The following NETO2 variants were observed in gnomAD, a reference collection of about 807,000 sequenced individuals.
The protein encoded by NETO2 is neuropilin and tolloid like 2, also known as neuropilin and tolloid-like protein 2.
Under a neutral mutation model 62.5 loss-of-function variants are expected in NETO2, and 28 were observed. The ratio of observed to expected loss-of-function variants is 0.45; its 90% CI spans 0.33 to 0.61. The LOEUF (loss-of-function observed/expected upper bound fraction) is 0.61, where lower values mean the gene tolerates loss of function less well. Among genes scored for constraint, NETO2 ranks in the 20% least tolerant of loss-of-function variants. The pLI is 0.02. For missense variants in NETO2, 548 were observed against 643.2 expected (o/e 0.85, Z 1.60); for synonymous variants, 214 against 219.1 (o/e 0.98, Z 0.21).
chr16:47,134,295 T>C (rs560902214), intron 1 of NETO2, among the ~76,000 whole-genome samples: 1 of 152,356 alleles, frequency 6.6e-6, no homozygotes, highest in Admixed American at 6.5e-5. Context: ...CCTCTGTGTC[T>C]CCTCTGTCTT....
chr16:47,086,309 T>C lies in NETO2; in HGVS notation c.914A>G (p.His305Arg), dbSNP rs769338360. ...PPCTSSTFFC[H>R]SNMCINNSLV... ...AGAATTATTGATGCACATGTTGCTA[T>C]GGCAAAAGAAAGTGCTGCTTGTGCA... Residue 305 changes from histidine (H) to arginine (R), a missense_variant, in exon 8 of 9, where the codon CAT (histidine) becomes CGT (arginine). By Grantham distance (29) the His-to-Arg change is conservative. Transcript: ENST00000562435. 36 of 1,613,906 alleles carry C rather than the reference T, an allele frequency of 2.2e-5. 1 individual carries two copies. The highest frequency in any genetic ancestry group is 3.0e-5 in the Non-Finnish European group (35 of 1,179,936).
intron 2 of NETO2, among the ~76,000 whole-genome samples, 174 bp from the exon 3 acceptor site, chr16:47,129,538 G>C (rs1187330654): frequency 6.6e-6 from 1 of 152,162 alleles, no homozygotes; most frequent in East Asian, 1.9e-4. Flanking sequence ...GAGAGGGAGG[G>C]AAAACTTGCT....
Position 47,083,267 on chromosome 16 carries a change from CT to C in NETO2, c.1531del (p.Arg511GlyfsTer23), listed in dbSNP as rs1264675651. The C allele has an allele frequency of 1.9e-6, 3 of 1,613,882 alleles. No homozygotes were observed. Among genetic ancestry groups the C allele is most frequent in the East Asian group, 2.2e-5 (1 of 44,884 alleles). Reference sequence around the variant, plus strand: ...TGCTTGTGCAGAATCTTCTCGCCCCCTGACATAAATTTCACAGGGAATCTCC... The same window carrying C: ...TGCTTGTGCAGAATCTTCTCGCCCCCGACATAAATTTCACAGGGAATCTCC... ...MEEIPCEIYV[R>X]GREDSAQASI... On this transcript the variant is annotated frameshift_variant, in exon 9 of 9. Transcript: ENST00000562435. LOFTEE classifies it high-confidence loss of function.
Position 47,122,654 on chromosome 16 carries a change from T to TA in NETO2, c.654+2dup. On this transcript the variant is annotated splice_region_variant and intron_variant, in intron 6 of 8. Coordinates refer to ENST00000562435, the MANE Select transcript of NETO2 (RefSeq NM_018092.5). ...TCTGAAGCGACTCAATACATAATAA[T>TA]ACCTTAGCTTTTGGAGTGGCTTTAA... The TA allele has an allele frequency of 6.2e-7, 1 of 1,613,380 alleles. No homozygotes were observed. Among genetic ancestry groups the TA allele is most frequent in the Non-Finnish European group, 8.5e-7 (1 of 1,179,832 alleles).
rs557061100 is a variant in NETO2, at chr16:47,082,610, C to CAGA, written c.*608_*610dup. 4 of 152,168 alleles carry CAGA rather than the reference C, an allele frequency of 2.6e-5. No individual in the cohort carries two copies. In the South Asian group the frequency reaches 8.3e-4, roughly 32 times the overall value. 9.4% of individuals were successfully genotyped at this position (152,168 alleles called of 1,614,324 possible). On this transcript the variant is annotated 3_prime_UTR_variant, in exon 9 of 9. Coordinates refer to ENST00000562435, the MANE Select transcript of NETO2 (RefSeq NM_018092.5). ...GAATAAGGGCCCAGTAATTAAAAGG[C>CAGA]AGAAGTACAGAGATTAGCCAAGAAG...
chr16:47,111,960 A>T (rs1259659526), intron 6 of NETO2, among the ~76,000 whole-genome samples: 3 of 152,248 alleles, frequency 2.0e-5, no homozygotes, highest in African/African-American at 7.2e-5. Flanking sequence ...TGAAGACCCC[A>T]ACAGAAATGA....
intron 7 of NETO2, among the ~76,000 whole-genome samples, chr16:47,100,114 C>T (rs1229217891): frequency 1.3e-5 from 2 of 152,200 alleles, no homozygotes; most frequent in African/African-American, 4.8e-5. Context: ...AACAGTCTCT[C>T]AGACAACAGT....
At chr16:47,138,337 T>A (rs1375756925) in intron 1 of NETO2, among the ~76,000 whole-genome samples, 1 of 151,922 alleles carries the variant, frequency 6.6e-6, no homozygotes, top group Admixed American at 6.6e-5. Flanking sequence ...GAGGCAGAGG[T>A]TGTGGTGCGC....
chr16:47,115,748 T>TATATA (rs1163632223), intron 6 of NETO2, among the ~76,000 whole-genome samples: 1 of 145,784 alleles, frequency 6.9e-6, no homozygotes, highest in African/African-American at 2.6e-5. Flanking sequence ...TATATATATA[T>TATATA]TTTGTAGGGG....
chr16:47,113,295 T>C (rs1050885928), intron 6 of NETO2, among the ~76,000 whole-genome samples: 1 of 152,206 alleles, frequency 6.6e-6, no homozygotes, highest in Non-Finnish European at 1.5e-5. Flanking sequence ...CACTACTCAG[T>C]CCTTGCTGAC....
intron 7 of NETO2, among the ~76,000 whole-genome samples, chr16:47,103,777 A>T (rs1313365074): frequency 6.6e-6 from 1 of 152,190 alleles, no homozygotes; most frequent in Non-Finnish European, 1.5e-5. Flanking sequence ...TAAGGGAAAA[A>T]AACTACATGA....
At chr16:47,099,004 C>T (rs1238180851) in intron 7 of NETO2, among the ~76,000 whole-genome samples, 1 of 151,982 alleles carries the variant, frequency 6.6e-6, no homozygotes, top group Admixed American at 6.6e-5. Context: ...GGATTACAGG[C>T]GCCCACCACC....
chr16:47,094,389 T>TA (rs1367235514), intron 7 of NETO2, among the ~76,000 whole-genome samples: 4 of 151,362 alleles, frequency 2.6e-5, no homozygotes, highest in African/African-American at 9.8e-5. Context: ...TTCAGGAACC[T>TA]AAAGGAAGGT....
chr16:47,106,349 G>C (rs755575716), intron 7 of NETO2, among the ~76,000 whole-genome samples: 2 of 152,032 alleles, frequency 1.3e-5, no homozygotes, highest in Non-Finnish European at 2.9e-5. Context: ...TTTCAGTTTG[G>C]GATGATAAAA....
At position 47,128,033 on chromosome 16, in the gene NETO2, TTTTTAAATGTA is replaced by T. The variant is rs1964191362; in HGVS notation, c.481+281_481+291del. Among the ~76,000 whole-genome samples, 2 of 152,212 alleles carry T rather than the reference TTTTTAAATGTA, an allele frequency of 1.3e-5. 1 individual carries two copies. The highest frequency in any genetic ancestry group is 4.1e-4 in the South Asian group (2 of 4,828). On this transcript the variant is annotated intron_variant, in intron 4 of 8. Coordinates refer to ENST00000562435, the MANE Select transcript of NETO2 (RefSeq NM_018092.5). ...GTTGAATTATTTTTAAAATTATTTA[TTTTTAAATGTA>T]TTTTAAATGTTAGCCTGAGCATGTG...
At chr16:47,087,032 A>AT (rs11359187) in intron 7 of NETO2, among the ~76,000 whole-genome samples, 4 of 143,516 alleles carry the variant, frequency 2.8e-5, no homozygotes, top group African/African-American at 1.0e-4. Flanking sequence ...TTATAATTAA[A>AT]TTTTTTTTTT....
chr16:47,087,176 G>A (rs1039294188), intron 7 of NETO2, among the ~76,000 whole-genome samples: 3 of 151,942 alleles, frequency 2.0e-5, no homozygotes, highest in East Asian at 1.9e-4. Context: ...CTACAGGCAC[G>A]AGCCATGCCT....
At chr16:47,137,503 G>A (rs545246794) in intron 1 of NETO2, among the ~76,000 whole-genome samples, 1 of 152,264 alleles carries the variant, frequency 6.6e-6, no homozygotes, top group Admixed American at 6.5e-5. Flanking sequence ...AGGGGTGGGC[G>A]AAAAGGAGTT....
chr16:47,132,092 A>G (rs1429407907), intron 1 of NETO2, 67 bp from the exon 2 acceptor site: 7 of 1,169,234 alleles, frequency 6.0e-6, no homozygotes, highest in Admixed American at 5.8e-5. Flanking sequence ...AAGTCAATAA[A>G]TAAAATTGGA....
Sources: gnomAD v4.1 joint callset for allele counts (sites outside exome capture counted in the v4.1 genomes callset) on GRCh38, gnomAD v4.1.1 for gene constraint, MANE v1.5 for transcripts, NCBI Gene and HGNC (gene_info 2026-07-23, HGNC 2026-07-21) for gene names.